CHSY3: variants seen among roughly 807,000 people sequenced by gnomAD.
CHSY3 encodes the protein chondroitin sulfate synthase 3.
CHSY3 carries 35 observed loss-of-function variants against 67.2 expected under a neutral mutation model. The ratio of observed to expected loss-of-function variants is 0.52; its 90% confidence interval spans 0.40 to 0.69. The LOEUF (loss-of-function observed/expected upper bound fraction) is 0.69. CHSY3 is among the 30% of genes least tolerant of loss of function. The pLI, the probability that CHSY3 is intolerant of heterozygous loss-of-function variation, is 0.00. For synonymous variants in CHSY3, 474 were observed against 434.7 expected (o/e 1.09, Z -1.12); for missense variants, 1,069 against 1,138.5 (o/e 0.94, Z 0.88).
At chr5:129,926,938 G>A (rs895978788) in intron 2 of CHSY3, among the ~76,000 whole-genome samples, 4 of 151,842 alleles carry the variant, frequency 2.6e-5, no homozygotes, top group African/African-American at 9.7e-5. Context: ...TTGATCTGTT[G>A]TTTTATTTAA....
At chr5:130,102,981 TATTTG>T (rs1268692166) in intron 2 of CHSY3, among the ~76,000 whole-genome samples, 2 of 152,048 alleles carry the variant, frequency 1.3e-5, no homozygotes, top group East Asian at 3.9e-4. Flanking sequence ...ATGGGTTATT[TATTTG>T]CCTAACAACA....
intron 2 of CHSY3, among the ~76,000 whole-genome samples, chr5:129,957,015 G>A (rs924371324): frequency 9.9e-5 from 15 of 152,106 alleles, no homozygotes; most frequent in Admixed American, 6.6e-4. Flanking sequence ...GTCATTGGTA[G>A]TTTAATAGGA....
intron 2 of CHSY3, among the ~76,000 whole-genome samples, chr5:130,078,908 T>G (rs1766360964): frequency 6.6e-6 from 1 of 152,162 alleles, no homozygotes; most frequent in Non-Finnish European, 1.5e-5. Context: ...TCTATTATAC[T>G]CAGTCTCTCT....
chr5:129,905,888 CT>C, intron 1 of CHSY3: 1 of 766,510 alleles, frequency 1.3e-6, no homozygotes, highest in Non-Finnish European at 2.0e-6. Flanking sequence ...TCGGTGCCGC[CT>C]CGCGCTTGTC....
intron 2 of CHSY3, among the ~76,000 whole-genome samples, chr5:130,079,289 G>A (rs181774361): frequency 7.2e-4 from 109 of 152,074 alleles, no homozygotes; most frequent in Non-Finnish European, 1.2e-3. Context: ...CCTCTTCTAC[G>A]TAGAACATTT....
chr5:130,016,904 G>C (rs921935480), intron 2 of CHSY3, among the ~76,000 whole-genome samples: 2 of 152,146 alleles, frequency 1.3e-5, no homozygotes, highest in Non-Finnish European at 2.9e-5. Flanking sequence ...AGAGTGGGAA[G>C]GTACTGCTAG....
chr5:129,944,449 C>T (rs1355629408), intron 2 of CHSY3, among the ~76,000 whole-genome samples: 11 of 151,882 alleles, frequency 7.2e-5, no homozygotes, highest in Admixed American at 6.6e-4. Context: ...ATTCTCCTGC[C>T]TCAGCCTCCT....
intron 2 of CHSY3, among the ~76,000 whole-genome samples, chr5:129,934,880 A>G (rs1761436485): frequency 1.3e-5 from 2 of 152,180 alleles, no homozygotes; most frequent in Non-Finnish European, 2.9e-5. Flanking sequence ...AAATCCTACA[A>G]ACTTAGGAAC....
chr5:129,915,743 T>TA (rs955357821), intron 2 of CHSY3, among the ~76,000 whole-genome samples: 9 of 152,128 alleles, frequency 5.9e-5, no homozygotes, highest in African/African-American at 2.2e-4. Context: ...TATAGATACT[T>TA]TATAGTAAAA....
intron 2 of CHSY3, among the ~76,000 whole-genome samples, chr5:130,060,631 G>A (rs1338514571): frequency 6.6e-6 from 1 of 152,106 alleles, no homozygotes; most frequent in Non-Finnish European, 1.5e-5. Flanking sequence ...GTATCTGTTT[G>A]CTTGTGACAT....
At chr5:129,920,814 ATT>A (rs563605898) in intron 2 of CHSY3, among the ~76,000 whole-genome samples, 2 of 147,304 alleles carry the variant, frequency 1.4e-5, no homozygotes, top group African/African-American at 5.0e-5. Flanking sequence ...CCACCATAAG[ATT>A]TTTTTTTTTC....
At chr5:129,978,439 T>C (rs1306591801) in intron 2 of CHSY3, among the ~76,000 whole-genome samples, 1 of 152,196 alleles carries the variant, frequency 6.6e-6, no homozygotes, top group Non-Finnish European at 1.5e-5. Flanking sequence ...TATGTACACA[T>C]GAGCACTTTA....
intron 2 of CHSY3, among the ~76,000 whole-genome samples, chr5:130,157,789 A>G (rs1286370132): frequency 8.7e-6 from 1 of 114,738 alleles, no homozygotes; most frequent in Non-Finnish European, 1.9e-5. Context: ...CTGGTTGCCC[A>G]TTTTTATGGT....
At chr5:130,081,279 T>C (rs573913281) in intron 2 of CHSY3, among the ~76,000 whole-genome samples, 38 of 132,686 alleles carry the variant, frequency 2.9e-4, no homozygotes, top group Non-Finnish European at 5.7e-4. Flanking sequence ...TTCTGTGCTT[T>C]GGGTGGGACA....
chr5:130,048,206 G>A (rs1164671169), intron 2 of CHSY3, among the ~76,000 whole-genome samples: 1 of 151,914 alleles, frequency 6.6e-6, no homozygotes, highest in Non-Finnish European at 1.5e-5. Flanking sequence ...ATTAGTCCAT[G>A]CAGGGTGGGC....
At chr5:129,913,052 T>C (rs1213483552) in intron 2 of CHSY3, among the ~76,000 whole-genome samples, 1 of 152,238 alleles carries the variant, frequency 6.6e-6, no homozygotes, top group Non-Finnish European at 1.5e-5. Context: ...AGCTCTATCT[T>C]GGCTACTGCT....
At chr5:130,131,942 T>C (rs1169011550) in intron 2 of CHSY3, among the ~76,000 whole-genome samples, 1 of 151,946 alleles carries the variant, frequency 6.6e-6, no homozygotes, top group Non-Finnish European at 1.5e-5. Context: ...CCTCCTTATC[T>C]TTAAGGTCTT....
rs568321328 is a variant in CHSY3, at chr5:130,145,750, C to G, written c.1087-38479C>G. ...TATGTAAGTAATTTAAACAACTCAA[C>G]AGCAAAAAAACTAAATTACCCCATT... On this transcript the variant is annotated intron_variant, in intron 2 of 2. Coordinates refer to ENST00000305031, the MANE Select transcript of CHSY3 (RefSeq NM_175856.5). 5.3e-5 allele frequency among the ~76,000 whole-genome samples: 8 copies of G among 151,982 alleles called. No homozygotes were observed. In the South Asian group the frequency reaches 6.2e-4, roughly 12 times the overall value.
chr5:130,031,621 G>T, intron 2 of CHSY3, among the ~76,000 whole-genome samples: 1 of 152,096 alleles, frequency 6.6e-6, no homozygotes, highest in Admixed American at 6.6e-5. Context: ...ATGTGCAGGG[G>T]ATATATATCT....
Sources: allele counts gnomAD v4.1 joint callset (sites outside exome capture counted in the v4.1 genomes callset), GRCh38; gene constraint gnomAD v4.1.1; transcripts MANE v1.5; gene names NCBI Gene and HGNC (gene_info 2026-07-23, HGNC 2026-07-21).